The following CAMSAP2 variants were observed in gnomAD, a reference collection of about 807,000 sequenced individuals.
CAMSAP2 encodes the protein calmodulin regulated spectrin associated protein family member 2, also known as calmodulin-regulated spectrin-associated protein 2.
Under a neutral mutation model 146.1 loss-of-function variants are expected in CAMSAP2, and 26 were observed. That is an observed-to-expected ratio of 0.18 (90% CI 0.13 to 0.25). CAMSAP2 has a LOEUF of 0.25. CAMSAP2 is among the 10% of genes least tolerant of loss of function. The pLI, the probability that CAMSAP2 is intolerant of heterozygous loss-of-function variation, is 1.00. For missense variants in CAMSAP2, 1,381 were observed against 1,759.3 expected (o/e 0.78, Z 3.85); for synonymous variants, 499 against 596.6 (o/e 0.84, Z 2.38).
In CAMSAP2 at chr1:200,739,878, A is replaced by G. The variant is rs756928038; in HGVS notation, c.51A>G (p.Pro17=). The G allele has an allele frequency of 6.2e-6, 10 of 1,614,066 alleles. No individual in the cohort carries two copies. The highest frequency in any genetic ancestry group is 8.5e-6 in the Non-Finnish European group (10 of 1,180,026). Residue 17 remains proline (P), a synonymous_variant, in exon 1 of 17, where the codon CCA becomes CCG. Transcript: ENST00000358823. The surrounding 1 kb of genome is among the most constrained non-coding windows in gnomAD (Gnocchi z 4.8). ...PREMRKTFIV[P]AIKPFDHYDF... is the part of the protein sequence containing the mutation. ...AGATGAGAAAGACGTTCATTGTTCC[A>G]GCCATCAAGCCTTTTGACCACTATG...
At chr1:200,778,924 G>A (rs1034817094) in intron 2 of CAMSAP2, among the ~76,000 whole-genome samples, 56 of 152,220 alleles carry the variant, frequency 3.7e-4, no homozygotes, top group African/African-American at 1.2e-3. Context: ...GGCTCTTGGC[G>A]TGGGGCCTGG....
intron 3 of CAMSAP2, among the ~76,000 whole-genome samples, chr1:200,809,728 C>T (rs919093328): frequency 2.6e-5 from 4 of 151,978 alleles, no homozygotes; most frequent in Admixed American, 6.6e-5. Flanking sequence ...GAGATCCTCT[C>T]AAAATAATAA....
intron 6 of CAMSAP2, among the ~76,000 whole-genome samples, chr1:200,837,465 GGT>G (rs1325406371): frequency 2.6e-5 from 4 of 152,036 alleles, no homozygotes; most frequent in Admixed American, 6.6e-5. Flanking sequence ...ATGCTGTTTT[GGT>G]TACTGTAGCC....
chr1:200,793,882 A>G (rs1665817030), intron 2 of CAMSAP2, among the ~76,000 whole-genome samples: 3 of 152,190 alleles, frequency 2.0e-5, no homozygotes, highest in Admixed American at 2.0e-4. Flanking sequence ...TTTGAAGTGC[A>G]TTCTTTATAA....
At chr1:200,781,707 A>AT (rs200079969) in intron 2 of CAMSAP2, among the ~76,000 whole-genome samples, 7 of 151,312 alleles carry the variant, frequency 4.6e-5, no homozygotes, top group East Asian at 1.9e-4. Context: ...TACCCGGCTA[A>AT]TTTTTTTTGT....
At chr1:200,804,094 T>G (rs1307718207) in intron 2 of CAMSAP2, among the ~76,000 whole-genome samples, 1 of 151,910 alleles carries the variant, frequency 6.6e-6, no homozygotes, top group East Asian at 1.9e-4. Flanking sequence ...GCCTGGCTAA[T>G]TTTTTGTATT....
chr1:200,757,410 A>T (rs2102998192), intron 1 of CAMSAP2, among the ~76,000 whole-genome samples: 1 of 152,288 alleles, frequency 6.6e-6, no homozygotes, highest in East Asian at 1.9e-4. Context: ...TGATTAAATT[A>T]TGTTCTGCTT....
chr1:200,842,437 C>A (rs955190162), intron 7 of CAMSAP2, among the ~76,000 whole-genome samples: 9 of 152,104 alleles, frequency 5.9e-5, no homozygotes, highest in African/African-American at 2.2e-4. Context: ...TTGGCCTTAA[C>A]CCGCAACTCG....
Position 200,761,184 on chromosome 1 carries a change from G to A in CAMSAP2, c.399+86G>A, listed in dbSNP as rs1664790872. ...GATATACTGTAAAACAGAGGGAAAT[G>A]TTTTGAAATTGGATTGTATTTTTGC... On this transcript the variant is annotated intron_variant, in intron 2 of 16. Coordinates refer to ENST00000358823, the MANE Select transcript of CAMSAP2 (RefSeq NM_203459.4). The A allele has an allele frequency of 4.1e-5, 52 of 1,272,740 alleles. 1 individual carries two copies. In the South Asian group the frequency reaches 7.2e-4, roughly 18 times the overall value. 78.8% of individuals were successfully genotyped at this position (1,272,740 alleles called of 1,614,324 possible). A position where few individuals can be genotyped will look rare whatever the true frequency, so the allele number is the denominator to read the frequency against.
intron 2 of CAMSAP2, among the ~76,000 whole-genome samples, chr1:200,779,735 A>T (rs1665380820): frequency 1.3e-5 from 2 of 150,564 alleles, no homozygotes; most frequent in Admixed American, 1.3e-4. Context: ...TGAAATGCCT[A>T]TTTTTTTTTC....
rs188783472 is a variant in CAMSAP2, at chr1:200,776,719, G to A, written c.399+15621G>A. 3.9e-3 allele frequency among the ~76,000 whole-genome samples: 594 copies of A among 151,974 alleles called. 4 individuals carry two copies. The highest frequency in any genetic ancestry group is 0.014 in the African/African-American group (566 of 41,448). On this transcript the variant is annotated intron_variant, in intron 2 of 16. Transcript: ENST00000358823. ...AGCCTGGGCAACAGAGTGAGACTCC[G>A]TCTTAAAAAAACAAAACAAAACAAC...
At chr1:200,766,894 C>G (rs1474529030) in intron 2 of CAMSAP2, among the ~76,000 whole-genome samples, 4 of 152,074 alleles carry the variant, frequency 2.6e-5, no homozygotes, top group Non-Finnish European at 4.4e-5. Flanking sequence ...TTCCATTTAC[C>G]CACTCTGTTC....
At chr1:200,747,965 C>T (rs1460350428) in intron 1 of CAMSAP2, among the ~76,000 whole-genome samples, 1 of 135,702 alleles carries the variant, frequency 7.4e-6, no homozygotes, top group African/African-American at 2.9e-5. Context: ...CCAGCCTGGG[C>T]GACAGAGCGA....
chr1:200,781,549 T>C (rs1289894887), intron 2 of CAMSAP2, among the ~76,000 whole-genome samples: 1 of 152,144 alleles, frequency 6.6e-6, no homozygotes, highest in Admixed American at 6.5e-5. Flanking sequence ...ATGTTTGTTT[T>C]TGTTTTTTTT....
chr1:200,837,493 C>T (rs1228744078), intron 6 of CAMSAP2, among the ~76,000 whole-genome samples: 1 of 152,002 alleles, frequency 6.6e-6, no homozygotes, highest in Non-Finnish European at 1.5e-5. Context: ...ATATAGTTTG[C>T]AGTCAGGTAA....
intron 4 of CAMSAP2, among the ~76,000 whole-genome samples, chr1:200,818,282 C>T (rs1666660663): frequency 6.6e-6 from 1 of 151,970 alleles, no homozygotes; most frequent in South Asian, 2.1e-4. Context: ...GTATTTCAAA[C>T]AATCAAATAA....
chr1:200,768,151 A>G (rs1221085573), intron 2 of CAMSAP2, among the ~76,000 whole-genome samples: 1 of 152,224 alleles, frequency 6.6e-6, no homozygotes, highest in East Asian at 1.9e-4. Flanking sequence ...GCGGTGGCTT[A>G]TAGAAAACTG....
chr1:200,764,259 C>T (rs1664880318), intron 2 of CAMSAP2, among the ~76,000 whole-genome samples: 2 of 151,884 alleles, frequency 1.3e-5, no homozygotes, highest in South Asian at 4.1e-4. Context: ...GTATGCCAGC[C>T]TTTTGGGGGG....
At chr1:200,749,425 CAT>C (rs1186354471) in intron 1 of CAMSAP2, among the ~76,000 whole-genome samples, 2 of 142,358 alleles carry the variant, frequency 1.4e-5, no homozygotes, top group Non-Finnish European at 3.0e-5. Context: ...ATATCATGCT[CAT>C]GTGTTCATTG....
Sources: allele counts gnomAD v4.1 joint callset (sites outside exome capture counted in the v4.1 genomes callset), GRCh38; gene constraint gnomAD v4.1.1; non-coding constraint Gnocchi (gnomAD v3.1); transcripts MANE v1.5; gene names NCBI Gene and HGNC (gene_info 2026-07-23, HGNC 2026-07-21).